The following GABRA4 variants were observed in gnomAD, a reference collection of about 807,000 sequenced individuals.
GABRA4 encodes gamma-aminobutyric acid receptor subunit alpha-4.
GABRA4 carries 12 observed loss-of-function variants against 49.7 expected under a neutral mutation model. The observed-to-expected ratio is 0.24, with a 90% CI of 0.15 to 0.39. GABRA4 has a LOEUF of 0.39. Ranked by LOEUF, GABRA4 falls within the 10% of genes least tolerant of loss-of-function variation. The pLI is 1.00. For synonymous variants in GABRA4, 288 were observed against 240.2 expected, an observed-to-expected ratio of 1.20 and a Z score of -1.84; for missense variants, 506 against 686.0, an observed-to-expected ratio of 0.74 and a Z score of 2.93.
At chr4:46,978,722 A>AAGAAAG (rs1255372058) in intron 3 of GABRA4, among the ~76,000 whole-genome samples, 3 of 150,674 alleles carry the variant, frequency 2.0e-5, no homozygotes, top group African/African-American at 7.3e-5. Flanking sequence ...AAGAAAAAGA[A>AAGAAAG]AGAAAGAAAA....
chr4:46,986,013 A>T (rs543531829), intron 2 of GABRA4, among the ~76,000 whole-genome samples: 1 of 152,068 alleles, frequency 6.6e-6, no homozygotes, highest in East Asian at 1.9e-4. Context: ...CTTCTATATT[A>T]TATTTGAACT....
At chr4:46,932,241 A>G (rs1449021682) in intron 8 of GABRA4, among the ~76,000 whole-genome samples, 1 of 152,132 alleles carries the variant, frequency 6.6e-6, no homozygotes, top group Admixed American at 6.6e-5. Flanking sequence ...AAGAATTACA[A>G]TATTTTAAAA....
Position 46,984,398 on chromosome 4 carries a change from G to A in GABRA4, c.206-5300C>T, listed in dbSNP as rs573770173. Among the ~76,000 whole-genome samples, 24 of 152,002 alleles carry A rather than the reference G, an allele frequency of 1.6e-4. 1 individual carries two copies. Among genetic ancestry groups the A allele is most frequent in the African/African-American group, 5.3e-4 (22 of 41,486 alleles). On this transcript the variant is annotated intron_variant, in intron 2 of 8. Coordinates refer to ENST00000264318, the MANE Select transcript of GABRA4 (RefSeq NM_000809.4). ...TCATTTACAAAATATACAAATACAA[G>A]CCTTCCTGAATACTAAACACAGACA... is the stretch of plus-strand genomic sequence containing the variant.
intron 8 of GABRA4, among the ~76,000 whole-genome samples, chr4:46,929,718 A>G (rs1251536439): frequency 6.6e-6 from 1 of 152,116 alleles, no homozygotes; most frequent in African/African-American, 2.4e-5. Flanking sequence ...ATATACTATT[A>G]TATTTTTGCA....
intron 8 of GABRA4, among the ~76,000 whole-genome samples, chr4:46,958,583 C>A (rs189443879): frequency 1.4e-3 from 214 of 151,998 alleles, no homozygotes; most frequent in Non-Finnish European, 2.1e-4. Flanking sequence ...TGAGACTCAA[C>A]TCAAATAAGA....
chr4:46,969,612 A>G (rs896204029), intron 7 of GABRA4, among the ~76,000 whole-genome samples: 1 of 151,532 alleles, frequency 6.6e-6, no homozygotes, highest in East Asian at 1.9e-4. Flanking sequence ...AGATAAGAGA[A>G]GTATTGGAGA....
chr4:46,971,777 C>T (rs901552061), intron 6 of GABRA4, among the ~76,000 whole-genome samples: 1 of 151,002 alleles, frequency 6.6e-6, no homozygotes, highest in Admixed American at 6.6e-5. Flanking sequence ...TAGAGAGAGG[C>T]TACCATAGTT....
intron 6 of GABRA4, among the ~76,000 whole-genome samples, chr4:46,972,337 C>G (rs909075630): frequency 6.6e-6 from 1 of 151,582 alleles, no homozygotes; most frequent in African/African-American, 2.4e-5. Flanking sequence ...ATAGAAGAGA[C>G]AGTGGGCTAA....
intron 8 of GABRA4, among the ~76,000 whole-genome samples, chr4:46,942,283 A>G (rs577561281): frequency 6.6e-6 from 1 of 152,246 alleles, no homozygotes; most frequent in Non-Finnish European, 1.5e-5. Flanking sequence ...CAGTCTGGGG[A>G]AAAATAGTCT....
chr4:46,987,850 A>T (rs1723595675), intron 2 of GABRA4, among the ~76,000 whole-genome samples: 1 of 152,026 alleles, frequency 6.6e-6, no homozygotes, highest in South Asian at 2.1e-4. Flanking sequence ...AACTCAAACC[A>T]TGTCATTCCC....
intron 8 of GABRA4, among the ~76,000 whole-genome samples, chr4:46,943,639 C>G (rs535522551): frequency 3.2e-4 from 49 of 152,178 alleles, no homozygotes; most frequent in African/African-American, 1.1e-3. Flanking sequence ...CCAAACCACC[C>G]TCTCAGCCAC....
rs570570563 is a variant in GABRA4 at position 46,982,080 on chromosome 4, A to G, written c.206-2982T>C. Among the ~76,000 whole-genome samples the G allele has an allele frequency of 1.4e-4, 21 of 152,226 alleles. No individual in the cohort carries two copies. In the South Asian group the frequency reaches 4.3e-3, roughly 32 times the overall value. On this transcript the variant is annotated intron_variant, in intron 2 of 8. Coordinates refer to ENST00000264318, the MANE Select transcript of GABRA4 (RefSeq NM_000809.4). ...CCTACCCCTGAACTCGTATTCTAAAAAGTGGCATCTTTTAAGCAACATACT... is the reference window on the plus strand; with the variant it reads ...CCTACCCCTGAACTCGTATTCTAAAGAGTGGCATCTTTTAAGCAACATACT...
intron 7 of GABRA4, among the ~76,000 whole-genome samples, chr4:46,970,154 A>G: frequency 6.6e-6 from 1 of 151,418 alleles, no homozygotes; most frequent in East Asian, 1.9e-4. Flanking sequence ...GGGAGGTAGG[A>G]TGAAAAGTTC....
chr4:46,948,548 A>G (rs1722060194), intron 8 of GABRA4, among the ~76,000 whole-genome samples: 1 of 152,068 alleles, frequency 6.6e-6, no homozygotes. Flanking sequence ...ATTTTATTTC[A>G]TGTAGCTATT....
rs1299367949 is a variant in GABRA4 at position 46,922,278 on chromosome 4, TG to T, written c.*5946del. The T allele has an allele frequency of 1.3e-5, 2 of 152,042 alleles. No homozygotes were observed. Among genetic ancestry groups the T allele is most frequent in the African/African-American group, 4.8e-5 (2 of 41,380 alleles). 9.4% of individuals were successfully genotyped at this position (152,042 alleles called of 1,614,324 possible). A position where few individuals can be genotyped will look rare whatever the true frequency, so the allele number is the denominator to read the frequency against. On this transcript the variant is annotated 3_prime_UTR_variant, in exon 9 of 9. Coordinates refer to ENST00000264318, the MANE Select transcript of GABRA4 (RefSeq NM_000809.4). ...AATGTCAAAAATAGATATAAAAATATGGTGCCTGGGCAGAAGAAAAAACACA... is the reference window on the plus strand; with the variant it reads ...AATGTCAAAAATAGATATAAAAATATGTGCCTGGGCAGAAGAAAAAACACA...
At chr4:46,983,950 C>G (rs1723444401) in intron 2 of GABRA4, among the ~76,000 whole-genome samples, 1 of 151,944 alleles carries the variant, frequency 6.6e-6, no homozygotes, top group Non-Finnish European at 1.5e-5. Flanking sequence ...AGAGCCAAGA[C>G]CAGCAAGATC....
intron 5 of GABRA4, among the ~76,000 whole-genome samples, chr4:46,976,075 T>C (rs1723130345): frequency 6.6e-6 from 1 of 151,910 alleles, no homozygotes; most frequent in African/African-American, 2.4e-5. Flanking sequence ...TAGTAGATTC[T>C]GATTGAATTG....
chr4:46,928,941 A>G (rs917962853), intron 8 of GABRA4, among the ~76,000 whole-genome samples, 186 bp from the exon 9 acceptor site: 204 of 152,216 alleles, frequency 1.3e-3, no homozygotes, highest in Non-Finnish European at 2.5e-3. Flanking sequence ...CATACATTTG[A>G]AACTTTGAAT....
At position 46,922,028 on chromosome 4, in the gene GABRA4, C is replaced by T. The variant is rs1721051683; in HGVS notation, c.*6197G>A. 6.6e-6 allele frequency: 1 copy of T among 152,102 alleles called. No homozygotes were observed. Among genetic ancestry groups the T allele is most frequent in the Admixed American group, 6.6e-5 (1 of 15,258 alleles). 9.4% of individuals were successfully genotyped at this position (152,102 alleles called of 1,614,324 possible). A position where few individuals can be genotyped will look rare whatever the true frequency, so the allele number is the denominator to read the frequency against. On this transcript the variant is annotated 3_prime_UTR_variant, in exon 9 of 9. Transcript: ENST00000264318. ...TAAACAGGCAAGAAAAAGACAAAAT[C>T]TGTCTTCATACGATTTTACTATATA...
Sources: gnomAD v4.1 joint callset for allele counts (sites outside exome capture counted in the v4.1 genomes callset) on GRCh38, gnomAD v4.1.1 for gene constraint, MANE v1.5 for transcripts, NCBI Gene and HGNC (gene_info 2026-07-23, HGNC 2026-07-21) for gene names.